The following MEMO1 variants were observed in gnomAD, a reference collection of about 807,000 sequenced individuals.
The protein encoded by MEMO1 is protein MEMO1.
A neutral mutation model predicts 45.2 loss-of-function variants in MEMO1; 6 were observed. The observed-to-expected ratio is 0.13, with a 90% CI of 0.07 to 0.26. The LOEUF (loss-of-function observed/expected upper bound fraction) is 0.26. MEMO1 is among the 10% of genes least tolerant of loss of function. The pLI is 1.00. For missense variants in MEMO1, 184 were observed against 370.5 expected (o/e 0.50, Z 4.13); for synonymous variants, 78 against 124.3 (o/e 0.63, Z 2.48).
At chr2:31,884,322 T>C (rs1487923232) in intron 7 of MEMO1, among the ~76,000 whole-genome samples, 1 of 152,192 alleles carries the variant, frequency 6.6e-6, no homozygotes, top group African/African-American at 2.4e-5. Flanking sequence ...CTAAATCTTT[T>C]AGCAGTGCCT....
rs781433956 is a variant in MEMO1, at chr2:31,988,498, G to A, written c.61+21689C>T. Among the ~76,000 whole-genome samples, 155 of 152,292 alleles carry A rather than the reference G, an allele frequency of 1.0e-3. 1 individual carries two copies. The highest frequency in any genetic ancestry group is 3.4e-3 in the Middle Eastern group (1 of 294). On this transcript the variant is annotated intron_variant, in intron 2 of 9. Transcript: ENST00000404530. ...GGAGGCAGAGGTTGCAGTGAGCCAA[G>A]ATGGGGCACTGCACTCCAGCCTGGG...
At chr2:31,891,643 T>C (rs927897996) in intron 7 of MEMO1, among the ~76,000 whole-genome samples, 6 of 152,046 alleles carry the variant, frequency 3.9e-5, no homozygotes, top group African/African-American at 1.4e-4. Context: ...CTAAAGAACA[T>C]TGGATTTATC....
chr2:31,936,571 C>T (rs1664948188), intron 3 of MEMO1, among the ~76,000 whole-genome samples: 1 of 152,162 alleles, frequency 6.6e-6, no homozygotes. Context: ...GATGCAAAGG[C>T]CATTCATTGC....
intron 2 of MEMO1, among the ~76,000 whole-genome samples, chr2:31,994,947 AG>A (rs1672399980): frequency 7.7e-6 from 1 of 129,624 alleles, no homozygotes. Context: ...AGGTAGAGCA[AG>A]GGAGGGAGGG....
rs1666131087 is a variant in MEMO1 at position 31,945,848 on chromosome 2, G to A, written c.62-2465C>T. 2.6e-5 allele frequency among the ~76,000 whole-genome samples: 4 copies of A among 152,168 alleles called. No individual in the cohort carries two copies. In the South Asian group the frequency reaches 8.3e-4, roughly 31 times the overall value. On this transcript the variant is annotated intron_variant, in intron 2 of 9. Transcript: ENST00000404530. ...CACACAAGGTTGCTCCAATTACCAA[G>A]TGAATTTAGGACAAACTATGTGTGA...
At chr2:31,959,247 A>G (rs1165691490) in intron 2 of MEMO1, among the ~76,000 whole-genome samples, 1 of 152,194 alleles carries the variant, frequency 6.6e-6, no homozygotes, top group Non-Finnish European at 1.5e-5. Flanking sequence ...AAGGTGGTAA[A>G]GACAAAAGAA....
At chr2:31,895,198 T>A (rs1318081256) in intron 6 of MEMO1, among the ~76,000 whole-genome samples, 1 of 152,022 alleles carries the variant, frequency 6.6e-6, no homozygotes, top group African/African-American at 2.4e-5. Context: ...CTACACAAAA[T>A]GTCCAGTTCC....
At chr2:31,904,270 T>C (rs1679329191) in intron 6 of MEMO1, among the ~76,000 whole-genome samples, 1 of 152,214 alleles carries the variant, frequency 6.6e-6, no homozygotes, top group African/African-American at 2.4e-5. Context: ...TTTTACCCAC[T>C]TGGGACACTG....
chr2:31,987,874 CA>C (rs1410431687), intron 2 of MEMO1, among the ~76,000 whole-genome samples: 1 of 152,064 alleles, frequency 6.6e-6, no homozygotes, highest in Non-Finnish European at 1.5e-5. Context: ...AGTAGGTTTC[CA>C]ATCATCCTTC....
At chr2:32,006,939 T>G (rs1572966133) in intron 2 of MEMO1, among the ~76,000 whole-genome samples, 1 of 122,034 alleles carries the variant, frequency 8.2e-6, no homozygotes. Flanking sequence ...CACTCCACCC[T>G]GGGCAACACA....
intron 2 of MEMO1, among the ~76,000 whole-genome samples, chr2:31,997,839 T>C (rs915791613): frequency 2.6e-5 from 4 of 152,176 alleles, no homozygotes; most frequent in Non-Finnish European, 4.4e-5. Flanking sequence ...TTCAAAAAGA[T>C]TTCTTTGCCT....
intron 3 of MEMO1, among the ~76,000 whole-genome samples, chr2:31,942,445 G>T (rs769190710): frequency 1.2e-4 from 19 of 152,066 alleles, no homozygotes; most frequent in Non-Finnish European, 2.2e-4. Context: ...TTCTTTAAAA[G>T]TCAGTTTTAT....
intron 4 of MEMO1, among the ~76,000 whole-genome samples, chr2:31,922,901 T>C (rs1682528843): frequency 1.3e-5 from 2 of 152,158 alleles, no homozygotes; most frequent in African/African-American, 4.8e-5. Context: ...TGATTCCTTG[T>C]CTTTACTATT....
At chr2:31,887,778 G>A (rs979983738) in intron 7 of MEMO1, among the ~76,000 whole-genome samples, 1 of 152,046 alleles carries the variant, frequency 6.6e-6, no homozygotes, top group African/African-American at 2.4e-5. Context: ...TGATGGCTTG[G>A]TTAAGGTACA....
At chr2:31,984,258 A>T (rs927519008) in intron 2 of MEMO1, among the ~76,000 whole-genome samples, 3 of 152,180 alleles carry the variant, frequency 2.0e-5, no homozygotes, top group African/African-American at 7.2e-5. Context: ...ATGTAACCCC[A>T]ATATATGATG....
chr2:31,932,444 G>GTT (rs557249663), intron 3 of MEMO1, among the ~76,000 whole-genome samples: 10 of 143,462 alleles, frequency 7.0e-5, no homozygotes, highest in African/African-American at 1.0e-4. Context: ...TTTTGTTGTT[G>GTT]TTTTTTTTTT....
chr2:31,969,361 ACG>A (rs1669014943), intron 2 of MEMO1, among the ~76,000 whole-genome samples: 2 of 150,832 alleles, frequency 1.3e-5, no homozygotes, highest in South Asian at 4.2e-4. Flanking sequence ...TATATATGTT[ACG>A]TGTATATATA....
At chr2:31,993,949 C>CTTTTTTTTTTTTTTTTTTTT (rs397800267) in intron 2 of MEMO1, among the ~76,000 whole-genome samples, 1 of 73,556 alleles carries the variant, frequency 1.4e-5, no homozygotes, top group African/African-American at 4.9e-5. Flanking sequence ...TCAATACTTT[C>CTTTTTTTTTTTTTTTTTTTT]TTTTTTTTTT....
chr2:31,969,586 GGT>G (rs367639470), intron 2 of MEMO1, among the ~76,000 whole-genome samples: 15,283 of 118,856 alleles, frequency 0.13, 823 homozygotes, highest in African/African-American at 0.16. Flanking sequence ...TGTGTGTGTG[GGT>G]GTGTGTGTGT....
Sources: allele counts gnomAD v4.1 joint callset (sites outside exome capture counted in the v4.1 genomes callset), GRCh38; gene constraint gnomAD v4.1.1; transcripts MANE v1.5; gene names NCBI Gene and HGNC (gene_info 2026-07-23, HGNC 2026-07-21).